Variants in PADI3 observed in about 807,000 individuals in gnomAD.
The protein encoded by PADI3 is peptidyl arginine deiminase 3.
Under a neutral mutation model 71.5 loss-of-function variants are expected in PADI3, and 53 were observed. The ratio of observed to expected loss-of-function variants is 0.74; its 90% CI spans 0.59 to 0.93. PADI3 has a LOEUF of 0.93. Among genes scored for constraint, PADI3 ranks in the 40% least tolerant of loss-of-function variants. PADI3 has a pLI of 0.00. For missense variants in PADI3, 821 were observed against 868.0 expected, an observed-to-expected ratio of 0.95 and a Z score of 0.68; for synonymous variants, 361 against 347.5, an observed-to-expected ratio of 1.04 and a Z score of -0.43.
At chr1:17,253,294 G>A (rs2072988153) in intron 1 of PADI3, among the ~76,000 whole-genome samples, 1 of 152,126 alleles carries the variant, frequency 6.6e-6, no homozygotes, top group African/African-American at 2.4e-5. Flanking sequence ...GAAGGGTCAG[G>A]TCCCATCTGC....
At chr1:17,249,536 G>T (rs1557494073) in intron 1 of PADI3, among the ~76,000 whole-genome samples, 1 of 152,210 alleles carries the variant, frequency 6.6e-6, no homozygotes, top group South Asian at 2.1e-4. Context: ...AAGGGATGCT[G>T]CAGGTTGGGC....
intron 1 of PADI3, among the ~76,000 whole-genome samples, chr1:17,249,948 C>T (rs1399063301): frequency 6.6e-6 from 1 of 152,210 alleles, no homozygotes; most frequent in Non-Finnish European, 1.5e-5. Flanking sequence ...AGATTTCCAA[C>T]CTGGTTTCCT....
chr1:17,256,953 A>G (rs2073035600), intron 1 of PADI3, among the ~76,000 whole-genome samples: 1 of 143,576 alleles, frequency 7.0e-6, no homozygotes, highest in South Asian at 2.3e-4. Context: ...AATTGCTTGA[A>G]CCCGGGAGGT....
chr1:17,280,039 T>G (rs2073381972), intron 13 of PADI3, among the ~76,000 whole-genome samples: 1 of 152,240 alleles, frequency 6.6e-6, no homozygotes, highest in Non-Finnish European at 1.5e-5. Flanking sequence ...AGAGGATTCC[T>G]CATCCAGTGC....
At chr1:17,260,631 G>T (rs912717196) in intron 2 of PADI3, among the ~76,000 whole-genome samples, 1 of 152,174 alleles carries the variant, frequency 6.6e-6, no homozygotes, top group Non-Finnish European at 1.5e-5. Context: ...AGACCCCTGG[G>T]GGCAGTCTCC....
chr1:17,272,585 CA>C (rs1456770577), intron 9 of PADI3, among the ~76,000 whole-genome samples: 21 of 152,080 alleles, frequency 1.4e-4, no homozygotes, highest in Non-Finnish European at 2.6e-4. Flanking sequence ...AGCTCACTGG[CA>C]GCCTGGAACT....
rs1244336378 is a variant in PADI3, at chr1:17,276,616, GGCCAT to G, written c.1407_1411del (p.His470GlyfsTer2). 6.2e-7 allele frequency: 1 copy of G among 1,614,182 alleles called. No individual in the cohort carries two copies. The highest frequency in any genetic ancestry group is 1.1e-5 in the South Asian group (1 of 91,084). The stretch of plus-strand genomic sequence containing the variant: ...GCTCTTTGTGGACTGGTTGGCCGTG[GGCCAT>G]GTGGATGAGTTTCTGAGCTTTGTCC... On this transcript the variant is annotated frameshift_variant, in exon 12 of 16. Coordinates refer to ENST00000375460, the MANE Select transcript of PADI3 (RefSeq NM_016233.2). LOFTEE classifies it high-confidence loss of function.
chr1:17,282,675 T>C (rs1202389484), intron 15 of PADI3, among the ~76,000 whole-genome samples, 171 bp from the exon 16 acceptor site: 2 of 152,246 alleles, frequency 1.3e-5, no homozygotes, highest in African/African-American at 2.4e-5. Context: ...CAAAGGCACC[T>C]GGCTAACCGG....
Position 17,266,745 on chromosome 1 carries a change from G to GT in PADI3, c.436dup (p.Tyr146LeufsTer10), listed in dbSNP as rs776802269. 5.0e-6 allele frequency: 8 copies of GT among 1,614,052 alleles called. No homozygotes were observed. The highest frequency in any genetic ancestry group is 1.1e-5 in the South Asian group (1 of 91,092). On this transcript the variant is annotated frameshift_variant, in exon 5 of 16. Transcript: ENST00000375460. LOFTEE classifies it high-confidence loss of function. Reference sequence around the variant, plus strand: ...GGCAGTGGGTCTGGGGGCCCAGTGGGTATGGCGGCATCTTGCTGGTGAACT... The same window carrying GT: ...GGCAGTGGGTCTGGGGGCCCAGTGGGTTATGGCGGCATCTTGCTGGTGAACT...
At chr1:17,261,577 C>T (rs951981977) in intron 2 of PADI3, among the ~76,000 whole-genome samples, 5 of 152,224 alleles carry the variant, frequency 3.3e-5, no homozygotes, top group African/African-American at 4.8e-5. Context: ...GCTAGTATTT[C>T]TTGGGCACTT....
intron 4 of PADI3, among the ~76,000 whole-genome samples, chr1:17,266,056 T>C (rs530886363): frequency 2.0e-4 from 30 of 152,292 alleles, no homozygotes; most frequent in African/African-American, 6.7e-4. Context: ...GGACATATGG[T>C]CTCAATTCTG....
At chr1:17,275,544 AC>A (rs1401365971) in intron 11 of PADI3, among the ~76,000 whole-genome samples, 1 of 152,162 alleles carries the variant, frequency 6.6e-6, no homozygotes, top group Non-Finnish European at 1.5e-5. Context: ...CATGTAAATG[AC>A]TAATATAAGA....
chr1:17,255,515 C>T (rs531506904), intron 1 of PADI3, among the ~76,000 whole-genome samples: 15 of 152,344 alleles, frequency 9.8e-5, no homozygotes, highest in African/African-American at 3.6e-4. Flanking sequence ...TCGAGGTGGC[C>T]TGGAGAGGAA....
rs143297590 is a variant in PADI3, at chr1:17,257,623, A to G, written c.93-1955A>G. 5.4e-4 allele frequency among the ~76,000 whole-genome samples: 83 copies of G among 152,360 alleles called. No individual in the cohort carries two copies. In the East Asian group the frequency reaches 9.3e-3, roughly 17 times the overall value. ...CAGACACCAGAGTGGGACCTGCCTG[A>G]TGGAGAGAAGCTTGGGCTTGGTTTA... On this transcript the variant is annotated intron_variant, in intron 1 of 15. Coordinates refer to ENST00000375460, the MANE Select transcript of PADI3 (RefSeq NM_016233.2).
rs1252027603 is a variant in PADI3, at chr1:17,283,685, A to T, written c.*606A>T. 3 of 152,380 alleles carry T rather than the reference A, an allele frequency of 2.0e-5. No homozygotes were observed. Among genetic ancestry groups the T allele is most frequent in the Non-Finnish European group, 4.4e-5 (3 of 68,230 alleles). 9.4% of individuals were successfully genotyped at this position (152,380 alleles called of 1,614,324 possible). On this transcript the variant is annotated 3_prime_UTR_variant, in exon 16 of 16. Coordinates refer to ENST00000375460, the MANE Select transcript of PADI3 (RefSeq NM_016233.2). ...CCAGCGTGAGCTGTCACATAGTAGG[A>T]GCTTCTAGATGCATGTGGAAGCAAT...
rs1234949155 is a variant in PADI3, at chr1:17,283,872, C to T, written c.*793C>T. 1 of 152,206 alleles carries T rather than the reference C, an allele frequency of 6.6e-6. No individual in the cohort carries two copies. The highest frequency in any genetic ancestry group is 1.5e-5 in the Non-Finnish European group (1 of 68,050). 9.4% of individuals were successfully genotyped at this position (152,206 alleles called of 1,614,324 possible). ...GGTGAAAAGTAGTTCCCATAATACA[C>T]ATGGTTGACTATGGTGATCCACCTT... On this transcript the variant is annotated 3_prime_UTR_variant, in exon 16 of 16. Coordinates refer to ENST00000375460, the MANE Select transcript of PADI3 (RefSeq NM_016233.2).
Position 17,270,966 on chromosome 1 carries a change from G to A in PADI3, c.919G>A (p.Glu307Lys), listed in dbSNP as rs151130447. The change falls in exon 8 of 16, where the codon GAG becomes AAG. Residue 307 changes from glutamate (E) to lysine (K), a missense_variant. Physicochemically the swap from Glu to Lys is moderately conservative, Grantham distance 56 (BLOSUM62 1). Transcript: ENST00000375460. ...IMTPSTLPPLEVYVCRVRNNT... is the reference protein window; with the variant it reads ...IMTPSTLPPLKVYVCRVRNNT... Reference sequence around the variant, plus strand: ...GACGCCCAGCACTCTGCCACCCCTAGAGGTGTATGTGTGCCGGTGAGTCTT... The same window carrying A: ...GACGCCCAGCACTCTGCCACCCCTAAAGGTGTATGTGTGCCGGTGAGTCTT... 2 of 1,613,960 alleles carry A rather than the reference G, an allele frequency of 1.2e-6. No homozygotes were observed. Among genetic ancestry groups the A allele is most frequent in the African/African-American group, 1.3e-5 (1 of 74,906 alleles).
chr1:17,268,180 T>C (rs1306129543), intron 6 of PADI3, among the ~76,000 whole-genome samples: 1 of 152,226 alleles, frequency 6.6e-6, no homozygotes, highest in East Asian at 1.9e-4. Flanking sequence ...GTCATTTTAT[T>C]TGATGAATGA....
rs139471896 is a variant in PADI3, at chr1:17,281,639, G to A, written c.1761+843G>A. Among the ~76,000 whole-genome samples, 1,174 of 152,250 alleles carry A rather than the reference G, an allele frequency of 7.7e-3. 22 individuals carry two copies. Among genetic ancestry groups the A allele is most frequent in the African/African-American group, 0.027 (1,128 of 41,554 alleles). ...GGCTAATTTCTGTATTTTTAGTAGA[G>A]ATGGAGTTTTGCCATGTTGGCCAGG... On this transcript the variant is annotated intron_variant, in intron 15 of 15. Coordinates refer to ENST00000375460, the MANE Select transcript of PADI3 (RefSeq NM_016233.2).
Sources: allele counts gnomAD v4.1 joint callset (sites outside exome capture counted in the v4.1 genomes callset), GRCh38; gene constraint gnomAD v4.1.1; transcripts MANE v1.5; gene names NCBI Gene and HGNC (gene_info 2026-07-23, HGNC 2026-07-21).